FGF14: variants seen among roughly 807,000 people sequenced by gnomAD.
FGF14 encodes fibroblast growth factor homologous factor 4.
Under a neutral mutation model 25.5 loss-of-function variants are expected in FGF14, and 5 were observed. The ratio of observed to expected loss-of-function variants is 0.20; its 90% confidence interval spans 0.10 to 0.41. The LOEUF (loss-of-function observed/expected upper bound fraction) is 0.41. Ranked by LOEUF, FGF14 falls within the 10% of genes least tolerant of loss-of-function variation. The probability of loss-of-function intolerance (pLI) is 1.00; values close to 1 mark genes in which losing one functional copy is unlikely to be tolerated. For synonymous variants in FGF14, 138 were observed against 118.3 expected (o/e 1.17, Z -1.08); for missense variants, 222 against 320.1 (o/e 0.69, Z 2.34).
rs34444733 is a variant in FGF14, at chr13:101,859,721, TG to T, written c.408+9003del. Reference sequence around the variant, plus strand: ...AAATACGTGTTATGATGGGCCCATATGGGAACAACCCACTGTCCACACTGGA... The same window carrying T: ...AAATACGTGTTATGATGGGCCCATATGGAACAACCCACTGTCCACACTGGA... On this transcript the variant is annotated intron_variant, in intron 3 of 4. Coordinates refer to ENST00000376143, the MANE Select transcript of FGF14 (RefSeq NM_004115.4). Among the ~76,000 whole-genome samples the T allele has an allele frequency of 3.3e-5, 5 of 152,130 alleles. No individual in the cohort carries two copies. In the East Asian group the frequency reaches 7.8e-4, roughly 24 times the overall value.
chr13:102,212,561 C>CTG (rs1566823194), intron 1 of FGF14, among the ~76,000 whole-genome samples: 1 of 152,126 alleles, frequency 6.6e-6, no homozygotes, highest in Non-Finnish European at 1.5e-5. Context: ...GGAACCATAT[C>CTG]TCTCTTCTCC....
intron 1 of FGF14, among the ~76,000 whole-genome samples, chr13:102,203,633 G>A (rs984659473): frequency 6.6e-6 from 1 of 152,068 alleles, no homozygotes; most frequent in Admixed American, 6.5e-5. Context: ...TTCATATCTG[G>A]AAAACTTTTA....
At chr13:101,765,412 C>T (rs2038315101) in intron 3 of FGF14, among the ~76,000 whole-genome samples, 1 of 152,088 alleles carries the variant, frequency 6.6e-6, no homozygotes, top group Middle Eastern at 3.2e-3. Context: ...AACATTGGTC[C>T]CTGGGAACAC....
intron 3 of FGF14, among the ~76,000 whole-genome samples, chr13:101,785,364 A>C (rs1470873299): frequency 1.3e-5 from 2 of 150,300 alleles, no homozygotes; most frequent in African/African-American, 4.9e-5. Context: ...AAAAAAAAAA[A>C]ACCCAAACCA....
At chr13:101,762,459 G>T (rs1476271368) in intron 3 of FGF14, among the ~76,000 whole-genome samples, 1 of 152,060 alleles carries the variant, frequency 6.6e-6, no homozygotes, top group African/African-American at 2.4e-5. Context: ...TCAAGCAAAG[G>T]CATAATTGTC....
intron 1 of FGF14, among the ~76,000 whole-genome samples, chr13:102,073,171 G>T (rs2043218014): frequency 6.6e-6 from 1 of 152,150 alleles, no homozygotes; most frequent in South Asian, 2.1e-4. Flanking sequence ...AGAATCATTT[G>T]AACCCAGGAG....
chr13:102,132,150 G>A (rs1594083717), intron 1 of FGF14, among the ~76,000 whole-genome samples: 1 of 152,220 alleles, frequency 6.6e-6, no homozygotes, highest in African/African-American at 2.4e-5. Context: ...TGTGGGAATG[G>A]GGAGTTGGCG....
chr13:102,124,922 T>G (rs542316907), intron 1 of FGF14, among the ~76,000 whole-genome samples: 2 of 152,160 alleles, frequency 1.3e-5, no homozygotes, highest in African/African-American at 4.8e-5. Flanking sequence ...TACCTTTTAT[T>G]CTTAGAAATA....
chr13:102,216,741 A>T (rs969988209), intron 1 of FGF14, among the ~76,000 whole-genome samples: 2 of 133,056 alleles, frequency 1.5e-5, no homozygotes, highest in Non-Finnish European at 3.2e-5. Flanking sequence ...GCAATAGACC[A>T]CCAGAACTTA....
intron 1 of FGF14, among the ~76,000 whole-genome samples, chr13:101,891,048 C>T (rs890109963): frequency 1.8e-4 from 28 of 152,048 alleles, no homozygotes; most frequent in Admixed American, 3.3e-4. Context: ...CAGGCTAAGC[C>T]GAGGTTAAAA....
At chr13:101,857,254 T>C (rs2044174318) in intron 3 of FGF14, among the ~76,000 whole-genome samples, 1 of 151,942 alleles carries the variant, frequency 6.6e-6, no homozygotes, top group African/African-American at 2.4e-5. Flanking sequence ...ATAAAATACC[T>C]CCACCTTGTC....
At chr13:101,870,086 G>T (rs1275301005) in intron 2 of FGF14, among the ~76,000 whole-genome samples, 1 of 152,134 alleles carries the variant, frequency 6.6e-6, no homozygotes, top group Non-Finnish European at 1.5e-5. Flanking sequence ...TTGGATATTA[G>T]TTTCACTACG....
intron 1 of FGF14, chr13:102,293,751 T>G (rs2054550916): frequency 6.6e-6 from 1 of 152,200 alleles, no homozygotes; most frequent in Admixed American, 6.5e-5. Flanking sequence ...CCTTTTGTTT[T>G]GATTCTTGTT....
chr13:102,112,832 A>C (rs911523272), intron 1 of FGF14, among the ~76,000 whole-genome samples: 2 of 152,190 alleles, frequency 1.3e-5, no homozygotes, highest in Non-Finnish European at 2.9e-5. Flanking sequence ...TACAGATGAG[A>C]ATATAGTTTC....
intron 1 of FGF14, among the ~76,000 whole-genome samples, chr13:102,204,613 C>T (rs756891108): frequency 2.0e-5 from 3 of 152,156 alleles, no homozygotes; most frequent in East Asian, 3.9e-4. Context: ...GTGGTGCGGT[C>T]GTGGCTCACT....
intron 1 of FGF14, among the ~76,000 whole-genome samples, chr13:101,995,095 A>G (rs2039110543): frequency 6.6e-6 from 1 of 152,144 alleles, no homozygotes; most frequent in South Asian, 2.1e-4. Flanking sequence ...AATAGAGCAT[A>G]TTGTTAAAGT....
chr13:102,394,279 C>T, intron 1 of FGF14: 1 of 152,544 alleles, frequency 6.6e-6, no homozygotes, highest in Non-Finnish European at 1.5e-5. Flanking sequence ...GCCAAGGCAG[C>T]CACCTGTGGC....
intron 1 of FGF14, among the ~76,000 whole-genome samples, chr13:101,877,583 C>T (rs887391537): frequency 1.4e-4 from 21 of 152,050 alleles, no homozygotes; most frequent in Admixed American, 7.9e-4. Context: ...CCTGTACAAG[C>T]GGAATAATTG....
At chr13:102,286,279 C>A (rs1425660985) in intron 1 of FGF14, among the ~76,000 whole-genome samples, 1 of 151,688 alleles carries the variant, frequency 6.6e-6, no homozygotes, top group Non-Finnish European at 1.5e-5. Context: ...ACCAGTCTGC[C>A]CCCTCCCGCT....
Sources: allele counts gnomAD v4.1 joint callset (sites outside exome capture counted in the v4.1 genomes callset), GRCh38; gene constraint gnomAD v4.1.1; transcripts MANE v1.5; gene names NCBI Gene and HGNC (gene_info 2026-07-23, HGNC 2026-07-21).